PTPRM: variants seen among roughly 807,000 people sequenced by gnomAD.
PTPRM encodes protein tyrosine phosphatase receptor type M, also known as receptor-type tyrosine-protein phosphatase mu.
Under a neutral mutation model 186.7 loss-of-function variants are expected in PTPRM, and 47 were observed. The observed-to-expected ratio is 0.25, with a 90% CI of 0.20 to 0.32. The LOEUF (loss-of-function observed/expected upper bound fraction) is 0.32. Ranked by LOEUF, PTPRM falls within the 10% of genes least tolerant of loss-of-function variation. The pLI, the probability that PTPRM is intolerant of heterozygous loss-of-function variation, is 1.00. For missense variants in PTPRM, 1,494 were observed against 1,865.0 expected, an observed-to-expected ratio of 0.80 and a Z score of 3.66; for synonymous variants, 668 against 674.9, an observed-to-expected ratio of 0.99 and a Z score of 0.16.
chr18:8,001,893 T>A (rs2083895554), intron 7 of PTPRM, among the ~76,000 whole-genome samples: 1 of 152,248 alleles, frequency 6.6e-6, no homozygotes. Flanking sequence ...ATTTATGGCC[T>A]CTAGCACAAC....
At chr18:8,355,732 A>G (rs2095559947) in intron 23 of PTPRM, among the ~76,000 whole-genome samples, 1 of 152,218 alleles carries the variant, frequency 6.6e-6, no homozygotes, top group Admixed American at 6.5e-5. Context: ...ACAGAAATCA[A>G]CTCTGGCTAA....
Position 8,326,048 on chromosome 18 carries a change from T to G in PTPRM, c.2956+6834T>G, listed in dbSNP as rs192635790. 8.5e-5 allele frequency among the ~76,000 whole-genome samples: 13 copies of G among 152,358 alleles called. No homozygotes were observed. In the Middle Eastern group the frequency reaches 0.01, roughly 120 times the overall value. On this transcript the variant is annotated intron_variant, in intron 22 of 32. Transcript: ENST00000580170. ...TTTGGCTTTTGCTTGTTAATTTGTT[T>G]AAGTTCCTTATAGACTCTGGATATT...
At chr18:7,818,588 A>C (rs1487052742) in intron 2 of PTPRM, among the ~76,000 whole-genome samples, 1 of 152,196 alleles carries the variant, frequency 6.6e-6, no homozygotes, top group African/African-American at 2.4e-5. Context: ...AAGCACTTGG[A>C]CAGTATTTAA....
chr18:7,767,729 G>T (rs770019980), intron 1 of PTPRM, among the ~76,000 whole-genome samples: 22 of 152,238 alleles, frequency 1.4e-4, no homozygotes, highest in African/African-American at 1.2e-4. Context: ...AAAAGAAAGA[G>T]AATTCAACTT....
At chr18:7,589,203 C>T (rs1427569603) in intron 1 of PTPRM, among the ~76,000 whole-genome samples, 2 of 152,284 alleles carry the variant, frequency 1.3e-5, no homozygotes, top group African/African-American at 4.8e-5. Context: ...AAGAAGCCCT[C>T]CAGCGAATGT....
intron 3 of PTPRM, among the ~76,000 whole-genome samples, chr18:7,891,935 A>G (rs2049104465): frequency 6.6e-6 from 1 of 152,212 alleles, no homozygotes; most frequent in East Asian, 1.9e-4. Context: ...CTAGGCCTCC[A>G]GAGGTTTTTG....
chr18:8,215,872 T>A (rs1317317225), intron 14 of PTPRM, among the ~76,000 whole-genome samples: 2 of 152,172 alleles, frequency 1.3e-5, no homozygotes, highest in Non-Finnish European at 2.9e-5. Flanking sequence ...TTCCTTGAGA[T>A]GCAGAGTAAC....
intron 7 of PTPRM, among the ~76,000 whole-genome samples, chr18:8,046,198 A>C (rs1007727320): frequency 6.6e-6 from 1 of 152,084 alleles, no homozygotes; most frequent in African/African-American, 2.4e-5. Context: ...GATCTCCCCA[A>C]CCGTCCAGCC....
chr18:7,626,309 C>A (rs749720014), intron 1 of PTPRM, among the ~76,000 whole-genome samples: 24 of 152,200 alleles, frequency 1.6e-4, no homozygotes, highest in Non-Finnish European at 2.9e-4. Context: ...GTGGTCACCA[C>A]CTTCATTTAA....
rs187966222 is a variant in PTPRM at position 8,346,824 on chromosome 18, A to G, written c.3054+3304A>G. ...ATGACTATTGAAAAAAAAAAGGCCAACTCCACTGGAAAGCAAGTTCCTTGA... is the reference window on the plus strand; with the variant it reads ...ATGACTATTGAAAAAAAAAAGGCCAGCTCCACTGGAAAGCAAGTTCCTTGA... On this transcript the variant is annotated intron_variant, in intron 23 of 32. Coordinates refer to ENST00000580170, the MANE Select transcript of PTPRM (RefSeq NM_001105244.2). 4.6e-5 allele frequency among the ~76,000 whole-genome samples: 7 copies of G among 151,598 alleles called. No homozygotes were observed. The East Asian group carries it at 9.7e-4, about 21-fold the overall frequency.
intron 5 of PTPRM, among the ~76,000 whole-genome samples, chr18:7,934,295 G>T (rs1271818029): frequency 2.6e-5 from 4 of 151,162 alleles, no homozygotes; most frequent in African/African-American, 9.8e-5. Context: ...TTTTTCAGCT[G>T]TTGGCCTAGA....
intron 7 of PTPRM, among the ~76,000 whole-genome samples, chr18:8,033,305 C>G (rs1390946815): frequency 6.6e-6 from 1 of 152,106 alleles, no homozygotes; most frequent in Non-Finnish European, 1.5e-5. Flanking sequence ...ACAGATGTAA[C>G]TATACATATG....
At position 7,906,547 on chromosome 18, in the gene PTPRM, G is replaced by T; in HGVS notation, c.511G>T (p.Ala171Ser). The change falls in exon 4 of 33, where the codon GCT becomes TCT. Residue 171 changes from alanine to serine, a missense_variant. Ala to Ser is a moderately conservative substitution (Grantham distance 99). This residue lies in a region of PTPRM where 296 missense variants were observed against 345.5 expected (regional missense o/e 0.86). Transcript: ENST00000580170. ...AACTTCTGGACATCAAGGCTATCTC[G>T]CTATCGATGAGGTGAAGGTGTTAGG... ...VITSGHQGYLAIDEVKVLGHP... is the reference protein window; with the variant it reads ...VITSGHQGYLSIDEVKVLGHP... The T allele has an allele frequency of 1.2e-6, 2 of 1,613,454 alleles. No homozygotes were observed. The highest frequency in any genetic ancestry group is 1.7e-6 in the Non-Finnish European group (2 of 1,179,420).
intron 7 of PTPRM, among the ~76,000 whole-genome samples, chr18:7,964,083 A>G (rs1256176875): frequency 6.6e-6 from 1 of 152,230 alleles, no homozygotes; most frequent in Non-Finnish European, 1.5e-5. Flanking sequence ...TTTTTATTAG[A>G]GCACATGCCT....
intron 19 of PTPRM, among the ~76,000 whole-genome samples, chr18:8,259,179 C>T (rs1432950185): frequency 1.3e-5 from 2 of 152,076 alleles, no homozygotes; most frequent in African/African-American, 4.8e-5. Context: ...AAACTCCTGA[C>T]CTCAAGTAAT....
chr18:8,095,639 G>A (rs1459634420), intron 11 of PTPRM, among the ~76,000 whole-genome samples: 5 of 152,020 alleles, frequency 3.3e-5, no homozygotes, highest in African/African-American at 7.2e-5. Context: ...TAATAGGAGC[G>A]GCATAAAGGC....
At chr18:8,238,229 G>A (rs1424333520) in intron 14 of PTPRM, among the ~76,000 whole-genome samples, 3 of 152,092 alleles carry the variant, frequency 2.0e-5, no homozygotes, top group African/African-American at 4.8e-5. Flanking sequence ...CCCATTACAT[G>A]TAAGTTACAC....
intron 11 of PTPRM, among the ~76,000 whole-genome samples, chr18:8,107,102 C>T (rs2145623800): frequency 6.6e-6 from 1 of 152,280 alleles, no homozygotes; most frequent in South Asian, 2.1e-4. Flanking sequence ...AGAGAACATA[C>T]TTTTCATAAT....
At chr18:7,607,091 G>A (rs2037548496) in intron 1 of PTPRM, among the ~76,000 whole-genome samples, 1 of 152,020 alleles carries the variant, frequency 6.6e-6, no homozygotes, top group Non-Finnish European at 1.5e-5. Flanking sequence ...CTTCAGAAAG[G>A]TGGAGAAGGA....
Sources: gnomAD v4.1 joint callset for allele counts (sites outside exome capture counted in the v4.1 genomes callset) on GRCh38, gnomAD v4.1.1 for gene constraint, gnomAD v4.1.1 regional missense constraint, MANE v1.5 for transcripts, NCBI Gene and HGNC (gene_info 2026-07-23, HGNC 2026-07-21) for gene names.